LRP1B: variants seen among roughly 807,000 people sequenced by gnomAD.
The protein encoded by LRP1B is LDL receptor related protein 1B.
LRP1B carries 217 observed loss-of-function variants against 556.6 expected under a neutral mutation model. The observed-to-expected ratio is 0.39, with a 90% CI of 0.35 to 0.44. The LOEUF (loss-of-function observed/expected upper bound fraction) is 0.44, where lower values mean the gene tolerates loss of function less well. Ranked by LOEUF, LRP1B falls within the 20% of genes least tolerant of loss-of-function variation. The pLI is 1.00. For synonymous variants in LRP1B, 2,047 were observed against 1,865.8 expected (o/e 1.10, Z -2.50); for missense variants, 5,053 against 5,620.8 (o/e 0.90, Z 3.23).
At chr2:142,107,055 T>C (rs1353888581) in intron 1 of LRP1B, among the ~76,000 whole-genome samples, 1 of 152,152 alleles carries the variant, frequency 6.6e-6, no homozygotes, top group African/African-American at 2.4e-5. Context: ...GTGCATTTTA[T>C]GAGTGAGTTC....
At position 140,831,179 on chromosome 2, in the gene LRP1B, T is replaced by C. The variant is rs796525874; in HGVS notation, c.5209+8812A>G. On this transcript the variant is annotated intron_variant, in intron 31 of 90. Transcript: ENST00000389484. ...GCAATCTCTATCAAGAAACCAATGA[T>C]GTTACAGAGCCACAAAAGACCCCAA... Among the ~76,000 whole-genome samples, 8 of 152,088 alleles carry C rather than the reference T, an allele frequency of 5.3e-5. 1 individual carries two copies. Among genetic ancestry groups the C allele is most frequent in the African/African-American group, 1.7e-4 (7 of 41,536 alleles).
rs570998765 is a variant in LRP1B at position 140,312,714 on chromosome 2, T to C, written c.12805+2221A>G. Among the ~76,000 whole-genome samples the C allele has an allele frequency of 2.0e-5, 3 of 152,046 alleles. No individual in the cohort carries two copies. In the South Asian group the frequency reaches 6.2e-4, roughly 31 times the overall value. On this transcript the variant is annotated intron_variant, in intron 83 of 90. Coordinates refer to ENST00000389484, the MANE Select transcript of LRP1B (RefSeq NM_018557.3). ...TGAATCCTTATTGATATAATCAATATCAAAATATTTCATTTTTAGTATCTT... is the reference window on the plus strand; with the variant it reads ...TGAATCCTTATTGATATAATCAATACCAAAATATTTCATTTTTAGTATCTT...
At chr2:142,112,796 G>A (rs1707050016) in intron 1 of LRP1B, among the ~76,000 whole-genome samples, 2 of 152,072 alleles carry the variant, frequency 1.3e-5, no homozygotes, top group African/African-American at 2.4e-5. Flanking sequence ...ATAGATTGAG[G>A]CATTGAATAT....
intron 18 of LRP1B, among the ~76,000 whole-genome samples, chr2:140,973,570 A>G (rs924152564): frequency 6.6e-6 from 1 of 152,104 alleles, no homozygotes; most frequent in Non-Finnish European, 1.5e-5. Flanking sequence ...TTTATAAGAA[A>G]AGCTTAGGCA....
chr2:141,638,136 G>T (rs1042551906), intron 2 of LRP1B, among the ~76,000 whole-genome samples: 1 of 151,958 alleles, frequency 6.6e-6, no homozygotes, highest in Non-Finnish European at 1.5e-5. Context: ...GCAATGAGCC[G>T]AGGTCCACCC....
At chr2:140,274,625 ATAAAAT>A (rs1682595384) in intron 84 of LRP1B, 27 bp from the exon 85 acceptor site, 2 of 1,588,050 alleles carry the variant, frequency 1.3e-6, no homozygotes, top group Non-Finnish European at 1.7e-6. Flanking sequence ...CAACAGAAAA[ATAAAAT>A]TATATTACAG....
chr2:142,048,967 T>G (rs541102181), intron 1 of LRP1B, among the ~76,000 whole-genome samples: 1 of 152,096 alleles, frequency 6.6e-6, no homozygotes, highest in Non-Finnish European at 1.5e-5. Context: ...AGAAATACTT[T>G]AGGATGGGAA....
Position 141,424,633 on chromosome 2 carries a change from A to C in LRP1B, c.343+55763T>G, listed in dbSNP as rs114078539. Among the ~76,000 whole-genome samples, 487 of 152,322 alleles carry C rather than the reference A, an allele frequency of 3.2e-3. 2 individuals carry two copies. Among genetic ancestry groups the C allele is most frequent in the African/African-American group, 0.011 (465 of 41,566 alleles). On this transcript the variant is annotated intron_variant, in intron 3 of 90. Transcript: ENST00000389484. The stretch of plus-strand genomic sequence containing the variant: ...TTTGTAATTTTAAGTGATATGATGT[A>C]TTTAAATGCTCCCATATTTTTCATT...
chr2:141,248,984 T>C (rs1684166119), intron 4 of LRP1B, among the ~76,000 whole-genome samples: 1 of 152,116 alleles, frequency 6.6e-6, no homozygotes, highest in African/African-American at 2.4e-5. Flanking sequence ...TGAAAATTGA[T>C]TGAATTTTGA....
chr2:140,349,292 T>C (rs1292005818), intron 77 of LRP1B, among the ~76,000 whole-genome samples: 1 of 152,148 alleles, frequency 6.6e-6, no homozygotes, highest in Admixed American at 6.6e-5. Flanking sequence ...GATGTGTCTA[T>C]GTTTATCAAT....
chr2:141,925,764 G>T (rs535324217), intron 1 of LRP1B, among the ~76,000 whole-genome samples: 24 of 152,302 alleles, frequency 1.6e-4, no homozygotes, highest in Middle Eastern at 3.4e-3. Flanking sequence ...TTCTGGCTCT[G>T]CTGGGCAAGG....
chr2:141,901,093 A>T (rs1235155466), intron 1 of LRP1B, among the ~76,000 whole-genome samples: 1 of 152,034 alleles, frequency 6.6e-6, no homozygotes, highest in African/African-American at 2.4e-5. Flanking sequence ...GGCTATATTC[A>T]TTTATCCAGT....
intron 18 of LRP1B, among the ~76,000 whole-genome samples, chr2:140,956,114 A>G (rs1355105030): frequency 6.6e-6 from 1 of 151,860 alleles, no homozygotes; most frequent in Non-Finnish European, 1.5e-5. Context: ...TAATAAACAC[A>G]TTACCTATTA....
chr2:141,098,243 T>A (rs2104931347), intron 7 of LRP1B, among the ~76,000 whole-genome samples: 1 of 152,152 alleles, frequency 6.6e-6, no homozygotes, highest in East Asian at 1.9e-4. Flanking sequence ...AAAATACTGG[T>A]ATAACAGGAA....
intron 7 of LRP1B, among the ~76,000 whole-genome samples, chr2:141,146,019 A>G (rs1179370140): frequency 7.0e-6 from 1 of 142,868 alleles, no homozygotes; most frequent in Non-Finnish European, 1.5e-5. Flanking sequence ...TCACCTCCTA[A>G]GTTCAAGCGA....
rs577760447 is a variant in LRP1B, at chr2:141,962,108, A to T, written c.83-151707T>A. ...ATACAGTAATTTTTAACCTACAAAA[A>T]TGACAATTTCATATGGTTCAGCCTA... On this transcript the variant is annotated intron_variant, in intron 1 of 90. Transcript: ENST00000389484. Among the ~76,000 whole-genome samples the T allele has an allele frequency of 4.6e-5, 7 of 151,902 alleles. No homozygotes were observed. The South Asian group carries it at 1.5e-3, about 31-fold the overall frequency.
chr2:140,472,967 T>G (rs923209784), intron 60 of LRP1B, among the ~76,000 whole-genome samples: 3 of 152,074 alleles, frequency 2.0e-5, no homozygotes, highest in Admixed American at 1.3e-4. Context: ...TTTAAAAAAG[T>G]GGCTAGTGAT....
intron 3 of LRP1B, among the ~76,000 whole-genome samples, chr2:141,432,553 A>G (rs1680599914): frequency 6.6e-6 from 1 of 152,056 alleles, no homozygotes; most frequent in African/African-American, 2.4e-5. Flanking sequence ...CCTTGAAGCT[A>G]TCTGGGCCTT....
At chr2:140,275,319 G>C (rs1350308786) in intron 84 of LRP1B, among the ~76,000 whole-genome samples, 2 of 152,046 alleles carry the variant, frequency 1.3e-5, no homozygotes, top group African/African-American at 4.8e-5. Flanking sequence ...ACTAGAAGCA[G>C]AGAGCTCTCT....
Sources: gnomAD v4.1 joint callset for allele counts (sites outside exome capture counted in the v4.1 genomes callset) on GRCh38, gnomAD v4.1.1 for gene constraint, MANE v1.5 for transcripts, NCBI Gene and HGNC (gene_info 2026-07-23, HGNC 2026-07-21) for gene names.